The following CNTNAP5 variants were observed in gnomAD, a reference collection of about 807,000 sequenced individuals.
CNTNAP5 encodes the protein contactin-associated protein-like 5.
A neutral mutation model predicts 150.2 loss-of-function variants in CNTNAP5; 72 were observed. That is an observed-to-expected ratio of 0.48 (90% CI 0.40 to 0.58). The LOEUF is 0.58. Among genes scored for constraint, CNTNAP5 ranks in the 20% least tolerant of loss-of-function variants. The pLI is 0.00. For synonymous variants in CNTNAP5, 672 were observed against 619.8 expected (o/e 1.08, Z -1.25); for missense variants, 1,636 against 1,626.2 (o/e 1.01, Z -0.10).
intron 1 of CNTNAP5, among the ~76,000 whole-genome samples, chr2:124,138,677 G>A (rs148784682): frequency 6.6e-6 from 1 of 152,220 alleles, no homozygotes; most frequent in East Asian, 1.9e-4. Flanking sequence ...TGGAGAATTG[G>A]TCCCCGAGTT....
chr2:124,449,285 C>G (rs13020592), intron 6 of CNTNAP5, among the ~76,000 whole-genome samples: 37,199 of 151,786 alleles, frequency 0.25, 4,957 homozygotes, highest in Middle Eastern at 0.39. Context: ...AATTGATTGA[C>G]AAAAGAAAGA....
chr2:124,370,654 G>C (rs1055067240), intron 3 of CNTNAP5, among the ~76,000 whole-genome samples: 1 of 152,112 alleles, frequency 6.6e-6, no homozygotes, highest in South Asian at 2.1e-4. Context: ...TTATTGATTT[G>C]AGATTTGATA....
At chr2:124,532,406 C>T (rs1263285520) in intron 10 of CNTNAP5, among the ~76,000 whole-genome samples, 1 of 152,080 alleles carries the variant, frequency 6.6e-6, no homozygotes, top group Non-Finnish European at 1.5e-5. Flanking sequence ...GAGTCTCTGC[C>T]CCGCATCCAT....
chr2:124,025,768 G>T (rs1371310726), intron 1 of CNTNAP5, 36 bp downstream of exon 1: 1 of 1,510,310 alleles, frequency 6.6e-7, no homozygotes, highest in Admixed American at 1.7e-5. Context: ...AAGGTGAGGT[G>T]GAAAACGATC....
intron 1 of CNTNAP5, among the ~76,000 whole-genome samples, chr2:124,126,744 G>A (rs1178252540): frequency 1.3e-5 from 2 of 152,076 alleles, no homozygotes; most frequent in African/African-American, 4.8e-5. Flanking sequence ...GGGATACAAC[G>A]CTGGTTCAAC....
At chr2:124,185,270 C>T (rs1685308101) in intron 1 of CNTNAP5, among the ~76,000 whole-genome samples, 1 of 152,184 alleles carries the variant, frequency 6.6e-6, no homozygotes, top group Non-Finnish European at 1.5e-5. Context: ...CAAGGTTCCT[C>T]TCTGAGACCT....
chr2:124,816,403 C>G (rs923270724), intron 19 of CNTNAP5, among the ~76,000 whole-genome samples: 8 of 151,610 alleles, frequency 5.3e-5, no homozygotes, highest in Non-Finnish European at 8.8e-5. Flanking sequence ...GGCTGCCATC[C>G]AGTCTCTGTT....
At chr2:124,059,905 T>C (rs937318929) in intron 1 of CNTNAP5, among the ~76,000 whole-genome samples, 1 of 152,162 alleles carries the variant, frequency 6.6e-6, no homozygotes, top group Admixed American at 6.5e-5. Context: ...CATGATATTA[T>C]GAAAGGAAAG....
intron 1 of CNTNAP5, among the ~76,000 whole-genome samples, chr2:124,208,672 A>G (rs768589988): frequency 2.6e-5 from 4 of 152,204 alleles, no homozygotes; most frequent in Non-Finnish European, 4.4e-5. Flanking sequence ...CATTCCTGAC[A>G]AATAAATAGC....
intron 1 of CNTNAP5, among the ~76,000 whole-genome samples, chr2:124,026,567 C>G (rs748160102): frequency 1.3e-5 from 2 of 152,214 alleles, no homozygotes; most frequent in Non-Finnish European, 2.9e-5. Flanking sequence ...GAGGTTCAGG[C>G]TCAATTCCTC....
chr2:124,230,169 A>G (rs1186178475), intron 2 of CNTNAP5, among the ~76,000 whole-genome samples: 1 of 151,952 alleles, frequency 6.6e-6, no homozygotes, highest in Non-Finnish European at 1.5e-5. Flanking sequence ...CACCCCCCAT[A>G]CCACTTCCTT....
intron 1 of CNTNAP5, among the ~76,000 whole-genome samples, chr2:124,093,634 GGT>G (rs761103628): frequency 0.051 from 7,699 of 152,212 alleles, 296 homozygotes; most frequent in South Asian, 0.15. Flanking sequence ...ATGTTGTTAA[GGT>G]AAAGCCCAAC....
At chr2:124,767,999 G>A (rs898992169) in intron 16 of CNTNAP5, among the ~76,000 whole-genome samples, 1 of 152,136 alleles carries the variant, frequency 6.6e-6, no homozygotes, top group Non-Finnish European at 1.5e-5. Context: ...GACTGGGAAC[G>A]TATACATTGC....
intron 13 of CNTNAP5, among the ~76,000 whole-genome samples, chr2:124,655,906 A>G (rs2105037475): frequency 1.4e-5 from 2 of 148,054 alleles, no homozygotes; most frequent in Non-Finnish European, 3.0e-5. Flanking sequence ...ACTGGAAAGA[A>G]AAGAAAGAAA....
chr2:124,786,566 C>CAGAGAGAA (rs1681602575), intron 17 of CNTNAP5, among the ~76,000 whole-genome samples: 1 of 145,088 alleles, frequency 6.9e-6, no homozygotes, highest in African/African-American at 2.6e-5. Context: ...AGAAAGAAGA[C>CAGAGAGAA]AGAGAGAAAG....
chr2:124,754,941 A>G (rs1680806904), intron 14 of CNTNAP5, among the ~76,000 whole-genome samples: 1 of 152,156 alleles, frequency 6.6e-6, no homozygotes, highest in South Asian at 2.1e-4. Flanking sequence ...TAAAGAAAAA[A>G]TATGAAAATA....
chr2:124,328,207 T>C (rs1465756277), intron 3 of CNTNAP5, among the ~76,000 whole-genome samples: 3 of 152,162 alleles, frequency 2.0e-5, no homozygotes, highest in Non-Finnish European at 4.4e-5. Flanking sequence ...ATAAATGAGT[T>C]CTAGCAAGTT....
At chr2:124,820,198 G>C (rs1020177772) in intron 19 of CNTNAP5, among the ~76,000 whole-genome samples, 1 of 151,970 alleles carries the variant, frequency 6.6e-6, no homozygotes, top group Non-Finnish European at 1.5e-5. Flanking sequence ...TTTGTTTGCC[G>C]GGAAGGTAGA....
intron 4 of CNTNAP5, among the ~76,000 whole-genome samples, chr2:124,428,723 T>C (rs772072229): frequency 6.6e-5 from 10 of 151,410 alleles, no homozygotes; most frequent in Non-Finnish European, 1.5e-4. Context: ...TGGGGAAAAA[T>C]ATGGACCTTT....
Sources: allele counts gnomAD v4.1 joint callset (sites outside exome capture counted in the v4.1 genomes callset), GRCh38; gene constraint gnomAD v4.1.1; transcripts MANE v1.5; gene names NCBI Gene and HGNC (gene_info 2026-07-23, HGNC 2026-07-21).